ERI1: variants seen among roughly 807,000 people sequenced by gnomAD.
ERI1 encodes the protein exoribonuclease 1.
In ERI1, 39 loss-of-function variants were observed where a neutral mutation model predicts 39.7. That is an observed-to-expected ratio of 0.98 (90% CI 0.76 to 1.28). The LOEUF is 1.28. Ranked by LOEUF, ERI1 falls within the 50% of genes most tolerant of loss-of-function variation. ERI1 has a pLI of 0.00. For missense variants in ERI1, 581 were observed against 416.9 expected (o/e 1.39, Z -3.43); for synonymous variants, 204 against 149.6 (o/e 1.36, Z -2.65).
At chr8:9,093,844 T>C (rs1331998603) in intron 3 of ERI1, among the ~76,000 whole-genome samples, 2 of 152,224 alleles carry the variant, frequency 1.3e-5, no homozygotes, top group African/African-American at 4.8e-5. Context: ...CCCAAAGTGC[T>C]GGGATTACAA....
At chr8:9,003,982 C>A (rs1815670616) in intron 1 of ERI1, 1 of 834,780 alleles carries the variant, frequency 1.2e-6, no homozygotes, top group South Asian at 1.4e-5. Context: ...TTATTCCCCT[C>A]CTGAGTCACT....
chr8:9,078,190 A>C (rs1799265719), intron 3 of ERI1, among the ~76,000 whole-genome samples: 1 of 152,086 alleles, frequency 6.6e-6, no homozygotes, highest in Non-Finnish European at 1.5e-5. Context: ...AGGTTTCACC[A>C]TGTTGGTCAG....
At chr8:9,041,860 G>A (rs575289529) in intron 3 of ERI1, among the ~76,000 whole-genome samples, 2 of 152,208 alleles carry the variant, frequency 1.3e-5, no homozygotes, top group African/African-American at 4.8e-5. Context: ...TCAGCCTCTC[G>A]AGTAGCTGGG....
At chr8:9,062,161 T>G (rs1484578086) in intron 3 of ERI1, among the ~76,000 whole-genome samples, 1 of 152,142 alleles carries the variant, frequency 6.6e-6, no homozygotes, top group African/African-American at 2.4e-5. Context: ...TTAATCTTTT[T>G]AAAGCGTGCT....
At chr8:9,095,747 C>T (rs1283054596) in intron 3 of ERI1, among the ~76,000 whole-genome samples, 1 of 152,106 alleles carries the variant, frequency 6.6e-6, no homozygotes, top group Non-Finnish European at 1.5e-5. Context: ...CCTTGAACTC[C>T]TGGGCTCAAG....
intron 3 of ERI1, among the ~76,000 whole-genome samples, chr8:9,094,485 C>A (rs1372945904): frequency 1.3e-5 from 2 of 152,198 alleles, no homozygotes; most frequent in African/African-American, 4.8e-5. Context: ...CCATCTGCCC[C>A]ACCTGTTTGC....
downstream of ERI1, among the ~76,000 whole-genome samples, chr8:9,034,613 G>C (rs1015980712): frequency 1.3e-5 from 2 of 151,978 alleles, no homozygotes; most frequent in African/African-American, 4.8e-5. Flanking sequence ...ATAAATGTCT[G>C]TGTTTTCCCC....
chr8:9,067,792 T>C (rs372259621), intron 3 of ERI1, among the ~76,000 whole-genome samples: 11 of 152,288 alleles, frequency 7.2e-5, no homozygotes, highest in African/African-American at 2.4e-4. Context: ...ACACAGCTAG[T>C]CTGAGCAGAA....
chr8:9,009,188 C>T (rs1025629366), intron 2 of ERI1: 10 of 409,444 alleles, frequency 2.4e-5, no homozygotes, highest in Admixed American at 6.1e-5. Context: ...CTAAGTACTG[C>T]ACTAGGCATT....
chr8:9,084,181 G>GAGGCTGAGGCAGGAGGATCACCTT (rs1799456830), intron 3 of ERI1, among the ~76,000 whole-genome samples: 1 of 152,122 alleles, frequency 6.6e-6, no homozygotes, highest in Admixed American at 6.5e-5. Flanking sequence ...AGGATCACCT[G>GAGGCTGAGGCAGGAGGATCACCTT]AGCCTAGGAG....
At position 9,020,451 on chromosome 8, in the gene ERI1, G is replaced by A. The variant is rs1359934085; in HGVS notation, c.794G>A (p.Gly265Glu). The A allele has an allele frequency of 1.9e-6, 3 of 1,593,116 alleles. No individual in the cohort carries two copies. The highest frequency in any genetic ancestry group is 2.6e-6 in the Non-Finnish European group (3 of 1,169,938). The change falls in exon 6 of 7, where the codon GGA becomes GAA. Residue 265 changes from glycine to glutamate, a missense_variant. Transcript: ENST00000250263. Reference protein sequence around the residue: ...KKWINIRKSYGNFYKVPRSQT... With the variant: ...KKWINIRKSYENFYKVPRSQT... ...TGGATCAATATTCGGAAGTCATATGGAAATTTTTACAAGGTAAAATTTCTA... is the reference window on the plus strand; with the variant it reads ...TGGATCAATATTCGGAAGTCATATGAAAATTTTTACAAGGTAAAATTTCTA...
chr8:9,006,608 C>G (rs764057131), intron 1 of ERI1, among the ~76,000 whole-genome samples: 7 of 152,118 alleles, frequency 4.6e-5, no homozygotes, highest in Non-Finnish European at 8.8e-5. Flanking sequence ...AAATTCTGGT[C>G]AAGCAGAGCA....
At chr8:9,027,382 G>T (rs926680491) in intron 6 of ERI1, among the ~76,000 whole-genome samples, 1 of 152,004 alleles carries the variant, frequency 6.6e-6, no homozygotes, top group Non-Finnish European at 1.5e-5. Flanking sequence ...CTTTATTCTG[G>T]ATATTAATTC....
intron 3 of ERI1, among the ~76,000 whole-genome samples, chr8:9,046,780 G>T (rs190694739): frequency 1.4e-4 from 22 of 152,326 alleles, no homozygotes; most frequent in Admixed American, 1.3e-3. Flanking sequence ...TGGATTGGAA[G>T]AAATGGAAGA....
rs1161148984 is a variant in ERI1 at position 9,021,765 on chromosome 8, G to GTT, written c.807+1308_807+1309dup. Among the ~76,000 whole-genome samples, 11 of 51,106 alleles carry GTT rather than the reference G, an allele frequency of 2.2e-4. 1 individual carries two copies. The highest frequency in any genetic ancestry group is 8.8e-4 in the African/African-American group (11 of 12,510). 33.5% of individuals were successfully genotyped at this position (51,106 alleles called of 152,430 possible). A position where few individuals can be genotyped will look rare whatever the true frequency, so the allele number is the denominator to read the frequency against. On this transcript the variant is annotated intron_variant, in intron 6 of 6. Transcript: ENST00000250263. ...TAGTATTATACTGGCTATATTATTTGTTTTTTTTGTTTTTTTTTTTTTTTC... is the reference window on the plus strand; with the variant it reads ...TAGTATTATACTGGCTATATTATTTGTTTTTTTTTTGTTTTTTTTTTTTTTTC...
At chr8:9,034,765 TTAATC>T (rs1797787287), downstream of ERI1, among the ~76,000 whole-genome samples, 1 of 152,186 alleles carries the variant, frequency 6.6e-6, no homozygotes, top group African/African-American at 2.4e-5. Context: ...CTAGAAATGA[TTAATC>T]TTAAAGAGGA....
chr8:9,059,072 C>T (rs34752993), intron 3 of ERI1, among the ~76,000 whole-genome samples: 2 of 151,774 alleles, frequency 1.3e-5, no homozygotes, highest in African/African-American at 2.4e-5. Flanking sequence ...AAGGAAAAAG[C>T]GGGGTTGTTC....
At chr8:9,018,033 A>G (rs1039812137) in intron 4 of ERI1, among the ~76,000 whole-genome samples, 4 of 152,172 alleles carry the variant, frequency 2.6e-5, no homozygotes, top group African/African-American at 9.7e-5. Flanking sequence ...GGCCTATAAA[A>G]AGAGAACCAC....
At chr8:9,035,958 C>T (rs1246139182), downstream of ERI1, among the ~76,000 whole-genome samples, 1 of 152,144 alleles carries the variant, frequency 6.6e-6, no homozygotes, top group Non-Finnish European at 1.5e-5. Context: ...CCCAAGACTT[C>T]AGTGGAAGAA....
Sources: gnomAD v4.1 joint callset for allele counts (sites outside exome capture counted in the v4.1 genomes callset) on GRCh38, gnomAD v4.1.1 for gene constraint, MANE v1.5 for transcripts, NCBI Gene and HGNC (gene_info 2026-07-23, HGNC 2026-07-21) for gene names.